AGBL2: variants seen among roughly 807,000 people sequenced by gnomAD.
AGBL2 encodes the protein cytosolic carboxypeptidase 2.
Under a neutral mutation model 103.0 loss-of-function variants are expected in AGBL2, and 87 were observed. That is an observed-to-expected ratio of 0.84 (90% CI 0.71 to 1.01). The LOEUF (loss-of-function observed/expected upper bound fraction) is 1.01. AGBL2 is among the 50% of genes least tolerant of loss of function. The pLI is 0.00. For missense variants in AGBL2, 904 were observed against 1,023.5 expected, an observed-to-expected ratio of 0.88 and a Z score of 1.59; for synonymous variants, 335 against 356.7, an observed-to-expected ratio of 0.94 and a Z score of 0.69.
chr11:47,664,760 G>A (rs2097336794), intron 17 of AGBL2, among the ~76,000 whole-genome samples: 1 of 151,912 alleles, frequency 6.6e-6, no homozygotes, highest in Admixed American at 6.6e-5. Context: ...ATCTTGCTAT[G>A]TTGCTCAGGC....
chr11:47,675,803 A>G (rs2097372937), intron 14 of AGBL2, among the ~76,000 whole-genome samples: 2 of 152,174 alleles, frequency 1.3e-5, no homozygotes, highest in African/African-American at 4.8e-5. Flanking sequence ...CTCAGTAGTT[A>G]GAGACCAGCC....
chr11:47,704,475 T>C, intron 7 of AGBL2, 68 bp downstream of exon 7: 2 of 1,326,396 alleles, frequency 1.5e-6, no homozygotes, highest in Non-Finnish European at 2.1e-6. Flanking sequence ...AGAGTGAGAC[T>C]TCGTCTCAAA....
intron 3 of AGBL2, among the ~76,000 whole-genome samples, chr11:47,712,894 C>A (rs1454778105): frequency 6.6e-6 from 1 of 151,090 alleles, no homozygotes; most frequent in Non-Finnish European, 1.5e-5. Context: ...ATTAGCCAGG[C>A]ATGGTGGTAC....
In AGBL2 at chr11:47,690,164, A is replaced by T. The variant is rs760509109; in HGVS notation, c.1543T>A (p.Leu515Met). The change falls in exon 10 of 19, where the codon TTG becomes ATG. Residue 515 changes from leucine (L) to methionine (M), a missense_variant. Transcript: ENST00000525123. ...TGCCTGTTCAAATCCCTTCCGGCCA[A>T]GGAACACCGATAATTCCCCACAATC... The part of the protein sequence containing the change: ...GVIVGNYRCS[L>M]AGRDLNRHYK... The T allele has an allele frequency of 6.2e-7, 1 of 1,614,204 alleles. No individual in the cohort carries two copies. Among genetic ancestry groups the T allele is most frequent in the Non-Finnish European group, 8.5e-7 (1 of 1,180,026 alleles).
intron 8 of AGBL2, among the ~76,000 whole-genome samples, chr11:47,698,575 C>G (rs1253857024): frequency 6.6e-6 from 1 of 152,124 alleles, no homozygotes; most frequent in African/African-American, 2.4e-5. Context: ...TGATAAGAAG[C>G]CTTTTTCGTT....
At chr11:47,688,501 A>G (rs1298425736) in intron 10 of AGBL2, among the ~76,000 whole-genome samples, 2 of 152,116 alleles carry the variant, frequency 1.3e-5, no homozygotes, top group Non-Finnish European at 2.9e-5. Flanking sequence ...CACCCAGGAC[A>G]CCTATTCCAG....
chr11:47,664,813 C>T (rs955106341), intron 17 of AGBL2, among the ~76,000 whole-genome samples: 15 of 151,914 alleles, frequency 9.9e-5, no homozygotes, highest in East Asian at 1.9e-4. Flanking sequence ...CCACCTTTGC[C>T]TCCCAAAGTG....
chr11:47,673,911 C>T (rs981943732), intron 14 of AGBL2, among the ~76,000 whole-genome samples: 1 of 150,630 alleles, frequency 6.6e-6, no homozygotes, highest in African/African-American at 2.4e-5. Context: ...ACCAGCCTGG[C>T]CAACATGGTG....
intron 14 of AGBL2, among the ~76,000 whole-genome samples, chr11:47,669,749 C>G (rs2097351786): frequency 6.6e-6 from 1 of 151,730 alleles, no homozygotes; most frequent in Non-Finnish European, 1.5e-5. Flanking sequence ...GTAGCTGGAA[C>G]TACAGGTGCC....
chr11:47,714,381 T>G (rs757840988), intron 2 of AGBL2, 34 bp from the exon 3 acceptor site: 1 of 1,597,046 alleles, frequency 6.3e-7, no homozygotes, highest in African/African-American at 1.3e-5. Context: ...ATCAAGATAA[T>G]GTTTTCAAAC....
intron 7 of AGBL2, among the ~76,000 whole-genome samples, chr11:47,703,673 C>T (rs2097506432): frequency 1.3e-5 from 2 of 152,082 alleles, no homozygotes; most frequent in Non-Finnish European, 2.9e-5. Context: ...ATCTGTAATC[C>T]CAGCACTTTG....
intron 8 of AGBL2, among the ~76,000 whole-genome samples, chr11:47,698,070 C>T (rs893907288): frequency 2.0e-5 from 3 of 151,350 alleles, no homozygotes; most frequent in East Asian, 3.9e-4. Context: ...CCATGTTGGG[C>T]AGGCTGGTCT....
At chr11:47,704,750 A>T in intron 6 of AGBL2, 22 bp from the exon 7 acceptor site, 1 of 1,601,562 alleles carries the variant, frequency 6.2e-7, no homozygotes, top group Non-Finnish European at 8.5e-7. Flanking sequence ...AAAGAGAGTA[A>T]GTGAACATCT....
rs774096011 is a variant in AGBL2, at chr11:47,660,300, A to G, written c.2582T>C (p.Ile861Thr). The stretch of plus-strand genomic sequence containing the variant: ...TGGAGCTGGCTCTTGGCTGGAGTTT[A>G]TGGTTCTCTTTGGAGAGCATGATAC... ...FTVSCSPKRT[I>T]NSSQEPAPGM... Residue 861 changes from isoleucine to threonine, a missense_variant, in exon 19 of 19, where the codon ATA becomes ACA. Ile to Thr is a moderately conservative substitution (Grantham distance 89). Coordinates refer to ENST00000525123, the MANE Select transcript of AGBL2 (RefSeq NM_024783.4). 7 of 1,614,086 alleles carry G rather than the reference A, an allele frequency of 4.3e-6. No homozygotes were observed. Among genetic ancestry groups the G allele is most frequent in the Non-Finnish European group, 4.2e-6 (5 of 1,180,032 alleles).
intron 11 of AGBL2, among the ~76,000 whole-genome samples, chr11:47,682,962 A>G (rs928645974): frequency 2.6e-5 from 4 of 152,140 alleles, no homozygotes; most frequent in African/African-American, 9.7e-5. Context: ...GAAAGAAAGA[A>G]AAGAAGATAA....
chr11:47,707,510 C>T (rs755571578), intron 4 of AGBL2, among the ~76,000 whole-genome samples: 21 of 152,126 alleles, frequency 1.4e-4, no homozygotes, highest in African/African-American at 3.6e-4. Flanking sequence ...TATCTGATCT[C>T]GTGAGACTTA....
At chr11:47,661,179 T>C (rs2097327056) in intron 18 of AGBL2, among the ~76,000 whole-genome samples, 1 of 152,036 alleles carries the variant, frequency 6.6e-6, no homozygotes, top group Admixed American at 6.6e-5. Context: ...AAAAATTTTT[T>C]TTTAAGAAAA....
rs1272645093 is a variant in AGBL2 at position 47,690,732 on chromosome 11, C to G, written c.975G>C (p.Leu325Phe). 1 of 1,613,936 alleles carries G rather than the reference C, an allele frequency of 6.2e-7. No homozygotes were observed. Among genetic ancestry groups the G allele is most frequent in the African/African-American group, 1.3e-5 (1 of 74,888 alleles). The change falls in exon 10 of 19, where the codon TTG becomes TTC. Residue 325 changes from leucine to phenylalanine, a missense_variant. By Grantham distance (22) the Leu-to-Phe change is conservative. Transcript: ENST00000525123. ...CAGTATAAAGACTCTTGGGTTTTAGCAAGTTGACAATGGTGAAGCGATAGG... is the reference window on the plus strand; with the variant it reads ...CAGTATAAAGACTCTTGGGTTTTAGGAAGTTGACAATGGTGAAGCGATAGG... ...DATYRFTIVN[L>F]LKPKSLYTVG...
intron 10 of AGBL2, among the ~76,000 whole-genome samples, chr11:47,688,925 G>A (rs982370547): frequency 3.3e-5 from 5 of 151,840 alleles, no homozygotes; most frequent in East Asian, 1.9e-4. Context: ...TAGTAGAGAC[G>A]AGGTTTCACC....
Sources: gnomAD v4.1 joint callset for allele counts (sites outside exome capture counted in the v4.1 genomes callset) on GRCh38, gnomAD v4.1.1 for gene constraint, MANE v1.5 for transcripts, NCBI Gene and HGNC (gene_info 2026-07-23, HGNC 2026-07-21) for gene names.